LPP: variants seen among roughly 807,000 people sequenced by gnomAD.
The protein encoded by LPP is lipoma-preferred partner.
A neutral mutation model predicts 60.4 loss-of-function variants in LPP; 38 were observed. That is an observed-to-expected ratio of 0.63 (90% confidence interval 0.49 to 0.83). LPP has a LOEUF of 0.83. Among genes scored for constraint, LPP ranks in the 40% least tolerant of loss-of-function variants. The pLI is 0.00. For missense variants in LPP, 902 were observed against 783.6 expected (o/e 1.15, Z -1.80); for synonymous variants, 328 against 290.8 (o/e 1.13, Z -1.30).
At chr3:188,240,383 GAGAC>G (rs1357845771) in intron 2 of LPP, among the ~76,000 whole-genome samples, 1 of 151,368 alleles carries the variant, frequency 6.6e-6, no homozygotes, top group Non-Finnish European at 1.5e-5. Context: ...GTGTGAGAGA[GAGAC>G]AGAGAGAGAA....
chr3:188,859,251 A>G (rs1434483346), intron 9 of LPP, among the ~76,000 whole-genome samples: 3 of 152,282 alleles, frequency 2.0e-5, no homozygotes, highest in African/African-American at 7.2e-5. Context: ...AGTATTAGAT[A>G]TTAAAGACTC....
chr3:188,440,445 A>AT (rs1159596200), intron 4 of LPP, among the ~76,000 whole-genome samples: 2 of 152,096 alleles, frequency 1.3e-5, no homozygotes, highest in African/African-American at 4.8e-5. Context: ...TCCTTCTAGG[A>AT]TTTTTTTGTA....
At chr3:188,691,558 T>G (rs1214551748) in intron 7 of LPP, among the ~76,000 whole-genome samples, 1 of 152,226 alleles carries the variant, frequency 6.6e-6, no homozygotes, top group Non-Finnish European at 1.5e-5. Flanking sequence ...ACAAATTACT[T>G]GAGTAGTCCT....
chr3:188,582,195 C>T (rs1836389903), intron 6 of LPP, among the ~76,000 whole-genome samples: 2 of 121,370 alleles, frequency 1.6e-5, no homozygotes, highest in Non-Finnish European at 1.6e-5. Context: ...GACTCTCATT[C>T]TGTCACCCAG....
At chr3:188,316,246 C>G (rs1464590818) in intron 2 of LPP, among the ~76,000 whole-genome samples, 4 of 152,102 alleles carry the variant, frequency 2.6e-5, no homozygotes, top group African/African-American at 4.8e-5. Context: ...CCATTGCACT[C>G]CAGCCTGGAC....
rs151012811 is a variant in LPP, at chr3:188,196,001, C to T, written c.-189-29404C>T. 7.6e-4 allele frequency among the ~76,000 whole-genome samples: 116 copies of T among 152,232 alleles called. No individual in the cohort carries two copies. In the Middle Eastern group the frequency reaches 0.01, roughly 13 times the overall value. ...TTTTGGCTTCTTAACCCATTCTGGT[C>T]GGATGGAAGTTGTTCTTGTCCGGGT... On this transcript the variant is annotated intron_variant, in intron 1 of 11. Transcript: ENST00000617246.
chr3:188,697,461 CACTAGACAG>C (rs1863496785), intron 7 of LPP, among the ~76,000 whole-genome samples: 1 of 152,158 alleles, frequency 6.6e-6, no homozygotes, highest in Admixed American at 6.5e-5. Flanking sequence ...CTGTCAAGCC[CACTAGACAG>C]AAACAGCTTG....
intron 8 of LPP, among the ~76,000 whole-genome samples, chr3:188,722,526 T>G (rs1716845853): frequency 6.6e-6 from 1 of 152,228 alleles, no homozygotes; most frequent in Non-Finnish European, 1.5e-5. Context: ...CATGTGACAT[T>G]TGTGCTCTCC....
intron 1 of LPP, among the ~76,000 whole-genome samples, chr3:188,156,192 GT>G (rs1202818649): frequency 6.6e-6 from 1 of 152,158 alleles, no homozygotes; most frequent in African/African-American, 2.4e-5. Context: ...GGGTCTGGCA[GT>G]CCCCCCAGAG....
At chr3:188,816,435 T>C (rs1752526728) in intron 9 of LPP, among the ~76,000 whole-genome samples, 1 of 152,036 alleles carries the variant, frequency 6.6e-6, no homozygotes, top group Admixed American at 6.6e-5. Context: ...TCTCCTGACC[T>C]GGTGATCCAC....
chr3:188,169,268 G>C (rs944129090), intron 1 of LPP, among the ~76,000 whole-genome samples: 1 of 152,138 alleles, frequency 6.6e-6, no homozygotes, highest in Non-Finnish European at 1.5e-5. Flanking sequence ...TGACATATTT[G>C]GTTTTATTTT....
At chr3:188,240,476 G>T (rs1723934002) in intron 2 of LPP, among the ~76,000 whole-genome samples, 2 of 152,152 alleles carry the variant, frequency 1.3e-5, no homozygotes, top group African/African-American at 2.4e-5. Flanking sequence ...GAATTTCTGA[G>T]TTGGAAGGAA....
intron 6 of LPP, among the ~76,000 whole-genome samples, chr3:188,560,345 A>G (rs977662067): frequency 3.9e-5 from 6 of 152,090 alleles, no homozygotes; most frequent in African/African-American, 1.2e-4. Context: ...TTGGGATTCT[A>G]TGCAATTCAG....
chr3:188,647,819 G>A (rs1324319527), intron 7 of LPP, among the ~76,000 whole-genome samples: 2 of 152,122 alleles, frequency 1.3e-5, no homozygotes, highest in Non-Finnish European at 2.9e-5. Context: ...GGCTACTTTA[G>A]CATATTTTTC....
chr3:188,276,580 C>G (rs952465513), intron 2 of LPP, among the ~76,000 whole-genome samples: 2 of 151,866 alleles, frequency 1.3e-5, no homozygotes, highest in African/African-American at 4.8e-5. Context: ...GGGGCGGATC[C>G]CTCATGACTT....
At chr3:188,375,047 G>T (rs1774560339) in intron 3 of LPP, among the ~76,000 whole-genome samples, 1 of 152,168 alleles carries the variant, frequency 6.6e-6, no homozygotes, top group Non-Finnish European at 1.5e-5. Flanking sequence ...TTGCATCCCA[G>T]GGATGAAACC....
intron 8 of LPP, chr3:188,708,728 T>C (rs1032118803): frequency 2.3e-5 from 9 of 396,176 alleles, no homozygotes; most frequent in African/African-American, 1.8e-4. Flanking sequence ...TGTGGTGGCA[T>C]GTGCCTGCAG....
chr3:188,625,974 C>T lies in LPP; in HGVS notation c.1113+16130C>T, dbSNP rs116265247. Among the ~76,000 whole-genome samples, 1,488 of 152,170 alleles carry T rather than the reference C, an allele frequency of 9.8e-3. 9 individuals carry two copies. Among genetic ancestry groups the T allele is most frequent in the Middle Eastern group, 0.017 (5 of 294 alleles). ...TTCTAACAAACCGAATGGGCCTTAC[C>T]TATTTTAGTTAATACTCTCAATAAT... is the stretch of plus-strand genomic sequence containing the variant. On this transcript the variant is annotated intron_variant, in intron 7 of 11. Coordinates refer to ENST00000617246, the MANE Select transcript of LPP (RefSeq NM_001375462.1).
intron 3 of LPP, among the ~76,000 whole-genome samples, chr3:188,382,951 G>A (rs956719321): frequency 3.3e-5 from 5 of 152,088 alleles, no homozygotes; most frequent in African/African-American, 1.2e-4. Flanking sequence ...TGTGTCTACT[G>A]ACTCTTAAAA....
Sources: allele counts gnomAD v4.1 joint callset (sites outside exome capture counted in the v4.1 genomes callset), GRCh38; gene constraint gnomAD v4.1.1; transcripts MANE v1.5; gene names NCBI Gene and HGNC (gene_info 2026-07-23, HGNC 2026-07-21).